CYP2J2: variants seen among roughly 807,000 people sequenced by gnomAD.
CYP2J2 encodes the protein cytochrome P450 family 2 subfamily J member 2.
Under a neutral mutation model 48.8 loss-of-function variants are expected in CYP2J2, and 41 were observed. The ratio of observed to expected loss-of-function variants is 0.84; its 90% CI spans 0.66 to 1.09. The LOEUF is 1.09. CYP2J2 is among the 50% of genes least tolerant of loss of function. The pLI is 0.00. For missense variants in CYP2J2, 644 were observed against 617.3 expected (o/e 1.04, Z -0.46); for synonymous variants, 221 against 227.1 (o/e 0.97, Z 0.24).
chr1:59,898,797 CCTAA>C (rs1286833678), intron 8 of CYP2J2, among the ~76,000 whole-genome samples: 6 of 152,108 alleles, frequency 3.9e-5, no homozygotes, highest in Admixed American at 1.3e-4. Flanking sequence ...CCATTTCCTG[CCTAA>C]CTATTAATAA....
Position 59,901,999 on chromosome 1 carries a change from C to A in CYP2J2, c.1192-896G>T, listed in dbSNP as rs200114020. 1.8e-4 allele frequency among the ~76,000 whole-genome samples: 27 copies of A among 152,288 alleles called. No homozygotes were observed. In the East Asian group the frequency reaches 5.0e-3, roughly 28 times the overall value. ...CAAAGACTCTTCACCTGGTCCTGGT[C>A]TGCACTACTCTCCCCCTCTGCCTGC... On this transcript the variant is annotated intron_variant, in intron 7 of 8. Coordinates refer to ENST00000371204, the MANE Select transcript of CYP2J2 (RefSeq NM_000775.4).
the CYP2J2 span, among the ~76,000 whole-genome samples, chr1:59,934,558 T>C: frequency 6.6e-5 from 10 of 152,202 alleles, no homozygotes; most frequent in South Asian, 1.5e-3. Flanking sequence ...CTTGAATAGA[T>C]ATTTTACTAA....
At chr1:59,934,125 A>G in the CYP2J2 span, among the ~76,000 whole-genome samples, 2 of 152,212 alleles carry the variant, frequency 1.3e-5, no homozygotes, top group African/African-American at 4.8e-5. Flanking sequence ...TATCAATACT[A>G]CATAACGGGG....
In CYP2J2 at chr1:59,904,941, T is replaced by A. The variant is rs199717190; in HGVS notation, c.1121A>T (p.Asn374Ile). 1.8e-5 allele frequency: 29 copies of A among 1,613,868 alleles called. No individual in the cohort carries two copies. The East Asian group carries it at 6.5e-4, about 36-fold the overall frequency. ...AVIHEVQRMG[N>I]IIPLNVPREV... ...CCTGGGAACGTTCAGGGGGATGATG[T>A]TGCCCATTCTCTGCACCTCATGGAT... The change falls in exon 7 of 9, where the codon AAC (asparagine) becomes ATC (isoleucine). Residue 374 changes from asparagine to isoleucine, a missense_variant. Asn to Ile is a moderately radical substitution (Grantham distance 149). Transcript: ENST00000371204.
At chr1:59,947,642 C>T in the CYP2J2 span, among the ~76,000 whole-genome samples, 4 of 152,132 alleles carry the variant, frequency 2.6e-5, no homozygotes, top group African/African-American at 7.2e-5. Flanking sequence ...AGAGTGATCA[C>T]GCCAGTAAAC....
chr1:59,941,746 T>C, the CYP2J2 span, among the ~76,000 whole-genome samples: 4 of 151,620 alleles, frequency 2.6e-5, no homozygotes, highest in African/African-American at 9.7e-5. Flanking sequence ...AATAAAAATG[T>C]TTTAAAAGTT....
At chr1:59,947,169 T>G in the CYP2J2 span, among the ~76,000 whole-genome samples, 1 of 152,092 alleles carries the variant, frequency 6.6e-6, no homozygotes, top group Non-Finnish European at 1.5e-5. Flanking sequence ...TTTTTTTGTC[T>G]ACAACATAGA....
intron 1 of CYP2J2, among the ~76,000 whole-genome samples, chr1:59,918,312 A>T (rs1056717220): frequency 6.6e-6 from 1 of 152,170 alleles, no homozygotes; most frequent in Admixed American, 6.5e-5. Flanking sequence ...TCAGGTTAAA[A>T]ATGACTTCTA....
intron 8 of CYP2J2, among the ~76,000 whole-genome samples, chr1:59,895,159 G>C (rs1054310863): frequency 2.0e-5 from 3 of 152,228 alleles, no homozygotes; most frequent in African/African-American, 4.8e-5. Context: ...GTCCCATTCA[G>C]GGTTACCAGT....
chr1:59,953,443 G>A, the CYP2J2 span, among the ~76,000 whole-genome samples: 44 of 151,904 alleles, frequency 2.9e-4, no homozygotes, highest in African/African-American at 8.0e-4. Context: ...ATAATATATC[G>A]GGCAGTGATA....
At chr1:59,905,211 C>G (rs1325678825) in intron 6 of CYP2J2, among the ~76,000 whole-genome samples, 153 bp from the exon 7 acceptor site, 2 of 152,178 alleles carry the variant, frequency 1.3e-5, no homozygotes. Context: ...AAGGCTTATT[C>G]AGAAAACTAC....
intron 8 of CYP2J2, among the ~76,000 whole-genome samples, chr1:59,895,297 G>A (rs918745222): frequency 1.3e-5 from 2 of 152,160 alleles, no homozygotes; most frequent in Admixed American, 6.5e-5. Context: ...CAACTTTCAC[G>A]GCTTTGGCCT....
chr1:59,928,001 AT>A (rs1486787396), upstream of CYP2J2, among the ~76,000 whole-genome samples: 2 of 152,168 alleles, frequency 1.3e-5, no homozygotes, highest in Non-Finnish European at 2.9e-5. Flanking sequence ...TATTTCTAAT[AT>A]TTATATATGA....
the CYP2J2 span, among the ~76,000 whole-genome samples, chr1:59,941,339 GTGTAA>G: frequency 0.011 from 1,696 of 152,288 alleles, 24 homozygotes; most frequent in African/African-American, 0.039. Context: ...TAATGGCATA[GTGTAA>G]CACATTACTC....
In CYP2J2 at chr1:59,915,976, G is replaced by A; in HGVS notation, c.335C>T (p.Pro112Leu). Residue 112 changes from proline to leucine, a missense_variant, in exon 2 of 9, where the codon CCC (proline) becomes CTC (leucine). Transcript: ENST00000371204. Reference protein sequence around the residue: ...IHMDQNFGNRPVTPMREHIFK... With the variant: ...IHMDQNFGNRLVTPMREHIFK... ...GATATGTTCTCGCATAGGGGTCACG[G>A]GGCGGTTCCCAAAGTTTTGGTCCAT... 6.2e-7 allele frequency: 1 copy of A among 1,613,930 alleles called. No individual in the cohort carries two copies. The highest frequency in any genetic ancestry group is 8.5e-7 in the Non-Finnish European group (1 of 1,179,912).
the CYP2J2 span, among the ~76,000 whole-genome samples, chr1:59,945,659 T>A: frequency 6.6e-6 from 1 of 152,192 alleles, no homozygotes; most frequent in Non-Finnish European, 1.5e-5. Flanking sequence ...TTCTTTAAAT[T>A]TCAATTTTCA....
chr1:59,969,205 A>T, the CYP2J2 span, among the ~76,000 whole-genome samples: 2 of 152,206 alleles, frequency 1.3e-5, no homozygotes, highest in Non-Finnish European at 2.9e-5. Flanking sequence ...AGGGGATCCG[A>T]GCGGGTTGCC....
At chr1:59,941,670 A>T in the CYP2J2 span, among the ~76,000 whole-genome samples, 3 of 152,210 alleles carry the variant, frequency 2.0e-5, no homozygotes, top group African/African-American at 7.2e-5. Flanking sequence ...GGTGGAAGAC[A>T]GTGATATTGA....
intron 2 of CYP2J2, among the ~76,000 whole-genome samples, chr1:59,915,622 G>A (rs1210121588): frequency 5.9e-5 from 9 of 152,142 alleles, no homozygotes; most frequent in African/African-American, 2.2e-4. Flanking sequence ...AGAGAGGGTT[G>A]GAAGAGGAAA....
Sources: gnomAD v4.1 joint callset for allele counts (sites outside exome capture counted in the v4.1 genomes callset) on GRCh38, gnomAD v4.1.1 for gene constraint, MANE v1.5 for transcripts, NCBI Gene and HGNC (gene_info 2026-07-23, HGNC 2026-07-21) for gene names.